NBN: variants seen among roughly 807,000 people sequenced by gnomAD.
The protein encoded by NBN is nibrin.
NBN carries 88 observed loss-of-function variants against 90.8 expected under a neutral mutation model. The ratio of observed to expected loss-of-function variants is 0.97; its 90% CI spans 0.82 to 1.16. The LOEUF (loss-of-function observed/expected upper bound fraction) is 1.16, where lower values mean the gene tolerates loss of function less well. NBN is among the 50% of genes most tolerant of loss of function. NBN has a pLI of 0.00. For synonymous variants in NBN, 328 were observed against 295.1 expected (o/e 1.11, Z -1.14); for missense variants, 894 against 869.6 (o/e 1.03, Z -0.35).
chr8:89,957,872 G>A (rs13312909), intron 9 of NBN, among the ~76,000 whole-genome samples: 1 of 152,056 alleles, frequency 6.6e-6, no homozygotes, highest in Admixed American at 6.6e-5. Flanking sequence ...GCAGAGGGGG[G>A]AATGGTTTTG....
chr8:89,968,576 A>G (rs13278453), intron 7 of NBN, among the ~76,000 whole-genome samples: 50,587 of 152,012 alleles, frequency 0.33, 8,477 homozygotes, highest in East Asian at 0.45. Flanking sequence ...CTTAGACCAG[A>G]ACCTGCTATG....
chr8:89,949,577 T>C lies in NBN; in HGVS notation c.1846-1685A>G, dbSNP rs527828460. 1.3e-5 allele frequency among the ~76,000 whole-genome samples: 2 copies of C among 152,278 alleles called. 1 individual carries two copies. The highest frequency in any genetic ancestry group is 4.1e-4 in the South Asian group (2 of 4,828). ...GGCCAAGACTCAGGCACAGCTATCA[T>C]TCGTATAAGGATAAAGTCCTAGGAG... On this transcript the variant is annotated intron_variant, in intron 11 of 15. Transcript: ENST00000265433.
Position 89,947,835 on chromosome 8 carries a change from T to A in NBN, c.1903A>T (p.Lys635Ter), listed in dbSNP as rs587782545. Residue 635 changes from lysine to a stop codon, truncating the protein, a stop_gained, in exon 12 of 16, where the codon AAA (lysine) becomes TAA (stop). Transcript: ENST00000265433. LOFTEE classifies it high-confidence loss of function. The part of the protein sequence containing the change: ...ELKEDSLWSA[K>*]EISNNDKLQD... ...AAAACGTTTCTCACAGATATTTCTTTAGCTGACCATAGTGAGTCTTCCTTG... is the reference window on the plus strand; with the variant it reads ...AAAACGTTTCTCACAGATATTTCTTAAGCTGACCATAGTGAGTCTTCCTTG... 25 of 1,572,804 alleles carry A rather than the reference T, an allele frequency of 1.6e-5. No homozygotes were observed. The highest frequency in any genetic ancestry group is 2.6e-6 in the Non-Finnish European group (3 of 1,147,052).
chr8:89,939,662 T>G (rs868259021), intron 14 of NBN, among the ~76,000 whole-genome samples: 4 of 152,302 alleles, frequency 2.6e-5, no homozygotes, highest in Middle Eastern at 3.4e-3. Context: ...GCTACACAAC[T>G]GGTCAAACCT....
intron 7 of NBN, among the ~76,000 whole-genome samples, chr8:89,965,264 T>C (rs1008492506): frequency 6.6e-6 from 1 of 152,200 alleles, no homozygotes; most frequent in African/African-American, 2.4e-5. Context: ...AAGGTATATC[T>C]ATACATGTGT....
Position 89,933,348 on chromosome 8 carries a change from G to C in NBN, c.*2234C>G, listed in dbSNP as rs1014220940. 4.7e-6 allele frequency: 1 copy of C among 213,270 alleles called. No individual in the cohort carries two copies. Among genetic ancestry groups the C allele is most frequent in the Admixed American group, 5.9e-5 (1 of 17,082 alleles). 13.2% of individuals were successfully genotyped at this position (213,270 alleles called of 1,614,324 possible). ...ATACAGTATTTTCAACTTACATTGCGTTTATTACAATGTAATCCCAACTTA... is the reference window on the plus strand; with the variant it reads ...ATACAGTATTTTCAACTTACATTGCCTTTATTACAATGTAATCCCAACTTA... On this transcript the variant is annotated 3_prime_UTR_variant, in exon 16 of 16. Coordinates refer to ENST00000265433, the MANE Select transcript of NBN (RefSeq NM_002485.5).
chr8:89,958,108 G>C (rs1176455207), intron 9 of NBN, among the ~76,000 whole-genome samples: 2 of 152,128 alleles, frequency 1.3e-5, no homozygotes, highest in East Asian at 3.9e-4. Context: ...GCTCACAATA[G>C]GGTTTGTGCT....
chr8:89,950,448 G>A (rs1047713787), intron 11 of NBN, among the ~76,000 whole-genome samples: 6 of 134,580 alleles, frequency 4.5e-5, no homozygotes, highest in African/African-American at 1.3e-4. Context: ...ATGTACAGAC[G>A]CATTTTTTTT....
chr8:89,973,835 T>C (rs1190379371), intron 5 of NBN, among the ~76,000 whole-genome samples: 1 of 152,184 alleles, frequency 6.6e-6, no homozygotes, highest in African/African-American at 2.4e-5. Context: ...ATACTACAAA[T>C]ATAAAGTGAT....
intron 8 of NBN, 96 bp from the exon 9 acceptor site, chr8:89,958,950 G>A (rs1331099508): frequency 1.4e-6 from 2 of 1,462,128 alleles, no homozygotes; most frequent in South Asian, 2.3e-5. Context: ...CATGCTGAGG[G>A]GATTAACTAG....
chr8:89,973,892 T>C (rs750767663), intron 5 of NBN, among the ~76,000 whole-genome samples: 3 of 135,806 alleles, frequency 2.2e-5, no homozygotes, highest in Non-Finnish European at 4.9e-5. Context: ...GGTTCGTTTA[T>C]ACAGAAACTT....
chr8:89,959,119 A>G (rs537565790), intron 8 of NBN, among the ~76,000 whole-genome samples: 1 of 152,220 alleles, frequency 6.6e-6, no homozygotes, highest in Non-Finnish European at 1.5e-5. Context: ...AAAGAAAAAT[A>G]AAATAAGCAA....
intron 4 of NBN, among the ~76,000 whole-genome samples, chr8:89,979,968 T>G (rs1811979287): frequency 6.6e-6 from 1 of 152,190 alleles, no homozygotes; most frequent in Admixed American, 6.6e-5. Flanking sequence ...TAAAGGTGCA[T>G]CCCTACTGAA....
At position 89,953,424 on chromosome 8, in the gene NBN, A is replaced by G; in HGVS notation, c.1665T>C (p.Asp555=). Residue 555 remains aspartate, a synonymous_variant, in exon 11 of 16, where the codon GAT becomes GAC. Transcript: ENST00000265433. ...LRSNKKREMD[D]VAIEDEVLEQ... The stretch of plus-strand genomic sequence containing the variant: ...CCAATACTTCATCTTCTATGGCCAC[A>G]TCATCCATTTCCCTTTTTTTATTTG... The G allele has an allele frequency of 6.2e-7, 1 of 1,613,868 alleles. No individual in the cohort carries two copies. The highest frequency in any genetic ancestry group is 8.5e-7 in the Non-Finnish European group (1 of 1,179,886).
At position 89,934,845 on chromosome 8, in the gene NBN, A is replaced by G. The variant is rs1809591032; in HGVS notation, c.*737T>C. On this transcript the variant is annotated 3_prime_UTR_variant, in exon 16 of 16. Coordinates refer to ENST00000265433, the MANE Select transcript of NBN (RefSeq NM_002485.5). Reference sequence around the variant, plus strand: ...ATAAGTAGGAAAACTAGGACTCTAAATAAGCTCAAAACAGACACCCACCCA... The same window carrying G: ...ATAAGTAGGAAAACTAGGACTCTAAGTAAGCTCAAAACAGACACCCACCCA... 8.6e-6 allele frequency: 2 copies of G among 232,850 alleles called. No homozygotes were observed. The highest frequency in any genetic ancestry group is 3.6e-4 in the South Asian group (2 of 5,528). The allele number at this position is 232,850 out of a possible 1,614,324, so 14.4% of individuals were successfully genotyped here.
intron 6 of NBN, 113 bp from the exon 7 acceptor site, chr8:89,970,670 T>C (rs1586087457): frequency 9.6e-7 from 1 of 1,042,366 alleles, no homozygotes. Context: ...GTGCTACTTC[T>C]TGAGTAGGTC....
chr8:89,941,868 T>C (rs1407713306), intron 14 of NBN, among the ~76,000 whole-genome samples: 1 of 152,172 alleles, frequency 6.6e-6, no homozygotes. Flanking sequence ...CAACTCTACT[T>C]TCATAAGTGA....
intron 4 of NBN, among the ~76,000 whole-genome samples, chr8:89,978,916 A>C (rs1805835): frequency 0.042 from 6,357 of 152,344 alleles, 183 homozygotes; most frequent in South Asian, 0.099. Context: ...ACATCCAAAA[A>C]ATATGACAAA....
chr8:89,953,757 T>C (rs1027822672), intron 10 of NBN, 66 bp from the exon 11 acceptor site: 6 of 1,268,876 alleles, frequency 4.7e-6, no homozygotes, highest in East Asian at 2.5e-5. Context: ...ACCATTTAGT[T>C]TGGCAATATT....
Sources: gnomAD v4.1 joint callset for allele counts (sites outside exome capture counted in the v4.1 genomes callset) on GRCh38, gnomAD v4.1.1 for gene constraint, MANE v1.5 for transcripts, NCBI Gene and HGNC (gene_info 2026-07-23, HGNC 2026-07-21) for gene names.